The following SS18 variants were observed in gnomAD, a reference collection of about 807,000 sequenced individuals.
SS18 encodes the protein SS18 subunit of BAF chromatin remodeling complex, also known as protein SSXT.
Under a neutral mutation model 72.5 loss-of-function variants are expected in SS18, and 28 were observed. That is an observed-to-expected ratio of 0.39 (90% CI 0.29 to 0.53). SS18 has a LOEUF of 0.53. SS18 is among the 20% of genes least tolerant of loss of function. The pLI, the probability that SS18 is intolerant of heterozygous loss-of-function variation, is 0.76. For synonymous variants in SS18, 172 were observed against 164.2 expected (o/e 1.05, Z -0.37); for missense variants, 518 against 535.3 (o/e 0.97, Z 0.32).
At position 26,016,935 on chromosome 18, in the gene SS18, CA is replaced by C. The variant is rs2053260556; in HGVS notation, c.*1418del. On this transcript the variant is annotated 3_prime_UTR_variant, in exon 11 of 11. Coordinates refer to ENST00000415083, the MANE Select transcript of SS18 (RefSeq NM_001007559.3). ...CAGTTAGACGTGGGAAAAACCAATT[CA>C]ATTATAAAGAATACATCTTATTCCC... 4.5e-6 allele frequency: 1 copy of C among 224,698 alleles called. No homozygotes were observed. The highest frequency in any genetic ancestry group is 8.9e-6 in the Non-Finnish European group (1 of 112,540). The allele number at this position is 224,698 out of a possible 1,614,324, so 13.9% of individuals were successfully genotyped here.
rs1207870322 is a variant in SS18, at chr18:26,082,167, AC to A, written c.147-4008del. Among the ~76,000 whole-genome samples the A allele has an allele frequency of 6.6e-5, 10 of 152,294 alleles. No homozygotes were observed. In the South Asian group the frequency reaches 1.2e-3, roughly 19 times the overall value. On this transcript the variant is annotated intron_variant, in intron 2 of 10. Coordinates refer to ENST00000415083, the MANE Select transcript of SS18 (RefSeq NM_001007559.3). ...TTAGTATTTTATTTTTGATGATGGT[AC>A]TGTCCTGGTAAATATGACAAATATT... is the stretch of plus-strand genomic sequence containing the variant.
intron 4 of SS18, among the ~76,000 whole-genome samples, chr18:26,054,138 G>A (rs2053971578): frequency 6.6e-6 from 1 of 151,966 alleles, no homozygotes; most frequent in South Asian, 2.1e-4. Flanking sequence ...TATGTACATA[G>A]TCACTATACT....
chr18:26,090,143 G>C (rs934555554), intron 1 of SS18: 5 of 259,568 alleles, frequency 1.9e-5, no homozygotes, highest in Non-Finnish European at 3.6e-5. Context: ...AGTAACTCCG[G>C]AGCAACGCGC....
intron 3 of SS18, among the ~76,000 whole-genome samples, chr18:26,071,156 G>C (rs2054303754): frequency 6.6e-6 from 1 of 152,078 alleles, no homozygotes; most frequent in Non-Finnish European, 1.5e-5. Context: ...GGAGTCTTAT[G>C]GAAGAATTAT....
intron 1 of SS18, among the ~76,000 whole-genome samples, chr18:26,088,095 A>G (rs2054648053): frequency 1.3e-5 from 2 of 152,210 alleles, no homozygotes; most frequent in Admixed American, 6.5e-5. Flanking sequence ...ACACCTTTGG[A>G]ATGATATCGT....
rs576464546 is a variant in SS18 at position 26,048,106 on chromosome 18, AG to A, written c.607+4517del. ...GTTTTCCGCTATATATTTAGCAAAT[AG>A]GAAGACTGTCACTGGGTATGTAGTA... On this transcript the variant is annotated intron_variant, in intron 5 of 10. Transcript: ENST00000415083. Among the ~76,000 whole-genome samples the A allele has an allele frequency of 1.8e-4, 27 of 152,384 alleles. No homozygotes were observed. In the East Asian group the frequency reaches 5.0e-3, roughly 28 times the overall value.
At chr18:26,042,503 T>TA (rs963659913) in intron 5 of SS18, among the ~76,000 whole-genome samples, 51 of 152,250 alleles carry the variant, frequency 3.3e-4, no homozygotes, top group Admixed American at 2.4e-3. Context: ...TATATTCTAA[T>TA]AGATATTCTA....
intron 2 of SS18, among the ~76,000 whole-genome samples, chr18:26,081,837 C>T (rs979685470): frequency 6.6e-6 from 1 of 151,958 alleles, no homozygotes; most frequent in African/African-American, 2.4e-5. Context: ...GCAGGAGGAT[C>T]GCTTAAGCCT....
intron 2 of SS18, among the ~76,000 whole-genome samples, chr18:26,081,917 G>A (rs1487276555): frequency 6.6e-6 from 1 of 152,026 alleles, no homozygotes; most frequent in Non-Finnish European, 1.5e-5. Context: ...AATTAGCTGA[G>A]CATGGTGGCA....
intron 4 of SS18, among the ~76,000 whole-genome samples, chr18:26,054,575 A>C (rs1431058190): frequency 6.6e-6 from 1 of 152,172 alleles, no homozygotes; most frequent in Non-Finnish European, 1.5e-5. Flanking sequence ...AAAAAGAATA[A>C]GGCATCTATT....
At chr18:26,056,537 G>A (rs1396396906) in intron 4 of SS18, among the ~76,000 whole-genome samples, 1 of 152,190 alleles carries the variant, frequency 6.6e-6, no homozygotes, top group Admixed American at 6.5e-5. Context: ...TATATGATCA[G>A]TCACACCTCA....
chr18:26,075,824 GA>G lies in SS18; in HGVS notation c.231+2251del, dbSNP rs143855195. On this transcript the variant is annotated intron_variant, in intron 3 of 10. Transcript: ENST00000415083. ...CACAAATGATATGATCATGAATACA[GA>G]AAACTGAAAGCATCTACAGAAAAAC... Among the ~76,000 whole-genome samples, 1,221 of 152,006 alleles carry G rather than the reference GA, an allele frequency of 8.0e-3. 20 individuals carry two copies. The highest frequency in any genetic ancestry group is 0.028 in the African/African-American group (1,158 of 41,538).
At chr18:26,042,149 AT>A (rs551238736) in intron 5 of SS18, among the ~76,000 whole-genome samples, 23 of 152,190 alleles carry the variant, frequency 1.5e-4, no homozygotes, top group Non-Finnish European at 1.5e-4. Context: ...GGCAATGTAT[AT>A]TATCTCTTGA....
intron 5 of SS18, among the ~76,000 whole-genome samples, chr18:26,041,908 C>T (rs1384355763): frequency 6.6e-6 from 1 of 152,040 alleles, no homozygotes; most frequent in Admixed American, 6.6e-5. Flanking sequence ...CAATTACTAC[C>T]CTTCTTTTAC....
At chr18:26,028,909 A>G (rs2053497690) in intron 10 of SS18, among the ~76,000 whole-genome samples, 1 of 152,224 alleles carries the variant, frequency 6.6e-6, no homozygotes, top group East Asian at 1.9e-4. Flanking sequence ...GTTTAATGGT[A>G]TATAAATTAT....
In SS18 at chr18:26,078,036, A is replaced by G. The variant is rs558155558; in HGVS notation, c.231+40T>C. 4.1e-6 allele frequency: 6 copies of G among 1,472,390 alleles called. No individual in the cohort carries two copies. In the South Asian group the frequency reaches 7.0e-5, roughly 17 times the overall value. 91.2% of individuals were successfully genotyped at this position (1,472,390 alleles called of 1,614,324 possible). ...AAAATGTGCCATACCATATGTAACTATAAAGATTGTCTACTTCACATGATT... is the reference window on the plus strand; with the variant it reads ...AAAATGTGCCATACCATATGTAACTGTAAAGATTGTCTACTTCACATGATT... On this transcript the variant is annotated intron_variant, in intron 3 of 10. Coordinates refer to ENST00000415083, the MANE Select transcript of SS18 (RefSeq NM_001007559.3).
intron 2 of SS18, among the ~76,000 whole-genome samples, chr18:26,080,705 A>C (rs2054502059): frequency 6.6e-6 from 1 of 152,174 alleles, no homozygotes; most frequent in Admixed American, 6.6e-5. Flanking sequence ...TCAATAGCAA[A>C]GTCTTGTATA....
intron 3 of SS18, among the ~76,000 whole-genome samples, chr18:26,075,833 A>G (rs185327684): frequency 3.9e-5 from 6 of 152,074 alleles, no homozygotes; most frequent in Admixed American, 3.9e-4. Context: ...AGAAAACTGA[A>G]AGCATCTACA....
chr18:26,039,575 A>G (rs1199376336), intron 5 of SS18, 119 bp from the exon 6 acceptor site: 6 of 865,968 alleles, frequency 6.9e-6, no homozygotes, highest in Non-Finnish European at 9.7e-6. Context: ...TGCAGTAAAA[A>G]CTGATTTCAA....
Sources: gnomAD v4.1 joint callset for allele counts (sites outside exome capture counted in the v4.1 genomes callset) on GRCh38, gnomAD v4.1.1 for gene constraint, MANE v1.5 for transcripts, NCBI Gene and HGNC (gene_info 2026-07-23, HGNC 2026-07-21) for gene names.